The following ASB18 variants were observed in gnomAD, a reference collection of about 807,000 sequenced individuals.
The protein encoded by ASB18 is ankyrin repeat and SOCS box protein 18.
Under a neutral mutation model 33.4 loss-of-function variants are expected in ASB18, and 33 were observed. That is an observed-to-expected ratio of 0.99 (90% confidence interval 0.75 to 1.32). The LOEUF is 1.32. Ranked by LOEUF, ASB18 falls within the 40% of genes most tolerant of loss-of-function variation. The probability of loss-of-function intolerance (pLI) is 0.00; values close to 1 mark genes in which losing one functional copy is unlikely to be tolerated. For synonymous variants in ASB18, 295 were observed against 307.6 expected (o/e 0.96, Z 0.43); for missense variants, 694 against 655.5 (o/e 1.06, Z -0.64).
chr2:236,237,376 G>A lies in ASB18; in HGVS notation c.596+313C>T, dbSNP rs1419826647. On this transcript the variant is annotated intron_variant, in intron 3 of 5. Coordinates refer to ENST00000409749, the MANE Select transcript of ASB18 (RefSeq NM_212556.4). The surrounding 1 kb of genome is among the most constrained non-coding windows in gnomAD (Gnocchi z 6.2). ...GGGCGCGGGGCGGGGGCCGGGGCCG[G>A]GGCGCGGGGCGGGGGCCGGGGCCGG... Among the ~76,000 whole-genome samples the A allele has an allele frequency of 2.4e-4, 15 of 63,204 alleles. 1 individual carries two copies. The East Asian group carries it at 4.7e-3, about 20-fold the overall frequency. The allele number at this position is 63,204 out of a possible 152,430, so 41.5% of individuals were successfully genotyped here.
chr2:236,207,524 C>A (rs865878367), intron 4 of ASB18, among the ~76,000 whole-genome samples: 1 of 152,076 alleles, frequency 6.6e-6, no homozygotes, highest in Admixed American at 6.5e-5. Context: ...TCCTTTTTCT[C>A]TTTATTAGTC....
chr2:236,196,328 G>T lies in ASB18; in HGVS notation c.1159C>A (p.Pro387Thr). 3 of 1,567,258 alleles carry T rather than the reference G, an allele frequency of 1.9e-6. No homozygotes were observed. The highest frequency in any genetic ancestry group is 2.4e-5 in the East Asian group (1 of 42,196). ...CAGGACTCTGACAAGCAGAGCTGAG[G>T]GTAGGAGTTGAAAAGCACCTCGATG... Reference protein sequence around the residue: ...AVIEVLFNSYPQLCLSESWKE... With the variant: ...AVIEVLFNSYTQLCLSESWKE... The change falls in exon 5 of 6, where the codon CCT becomes ACT. Residue 387 changes from proline (P) to threonine (T), a missense_variant. Coordinates refer to ENST00000409749, the MANE Select transcript of ASB18 (RefSeq NM_212556.4). This position sits in a 1 kb window ranked among gnomAD's most constrained non-coding sequence, Gnocchi z 5.6.
rs545676952 is a variant in ASB18, at chr2:236,257,549, C to A, written c.205+6592G>T. ...GCACGTGTGCATGACTGTGTGTGTG[C>A]GTGTGTACATATGCATATGTATGCT... On this transcript the variant is annotated intron_variant, in intron 1 of 5. Transcript: ENST00000409749. This position sits in a 1 kb window ranked among gnomAD's most constrained non-coding sequence, Gnocchi z 5.5. 8.5e-5 allele frequency among the ~76,000 whole-genome samples: 13 copies of A among 152,190 alleles called. No individual in the cohort carries two copies. The highest frequency in any genetic ancestry group is 2.0e-4 in the Admixed American group (3 of 15,286).
chr2:236,209,630 T>C lies in ASB18; in HGVS notation c.1101+4732A>G, dbSNP rs956974033. ...AGCTATGTGAATCCCTTACCTGGACTGCCACCACAGCCTGTGGTTTCCATC... is the reference window on the plus strand; with the variant it reads ...AGCTATGTGAATCCCTTACCTGGACCGCCACCACAGCCTGTGGTTTCCATC... On this transcript the variant is annotated intron_variant, in intron 4 of 5. Coordinates refer to ENST00000409749, the MANE Select transcript of ASB18 (RefSeq NM_212556.4). The surrounding 1 kb of genome is among the most constrained non-coding windows in gnomAD (Gnocchi z 4.4). Among the ~76,000 whole-genome samples, 1 of 152,232 alleles carries C rather than the reference T, an allele frequency of 6.6e-6. No homozygotes were observed. Among genetic ancestry groups the C allele is most frequent in the Admixed American group, 6.5e-5 (1 of 15,280 alleles).
Position 236,193,664 on chromosome 2 carries a change from C to A in ASB18, c.*1208G>T, listed in dbSNP as rs145862874. On this transcript the variant is annotated 3_prime_UTR_variant, in exon 6 of 6. Coordinates refer to ENST00000409749, the MANE Select transcript of ASB18 (RefSeq NM_212556.4). The surrounding 1 kb of genome is among the most constrained non-coding windows in gnomAD (Gnocchi z 5.0). ...ATAAAAAATTAGCCGGGCGTGCTGG[C>A]ACATGCCTGTTATCCCAGCTACCAG... is the stretch of plus-strand genomic sequence containing the variant. Among the ~76,000 whole-genome samples, 443 of 152,262 alleles carry A rather than the reference C, an allele frequency of 2.9e-3. 2 individuals are homozygous for A. The highest frequency in any genetic ancestry group is 4.7e-3 in the Non-Finnish European group (322 of 68,022).
Position 236,217,412 on chromosome 2 carries a change from C to CAAA in ASB18, c.597-2549_597-2547dup, listed in dbSNP as rs1184456986. On this transcript the variant is annotated intron_variant, in intron 3 of 5. Transcript: ENST00000409749. The surrounding 1 kb of genome is among the most constrained non-coding windows in gnomAD (Gnocchi z 5.2). ...GGGGCAACAGAGCGAGACTCTGTCT[C>CAAA]AAAAAAAAAAAAAAATAAATCTTGG... 1.2e-5 allele frequency among the ~76,000 whole-genome samples: 1 copy of CAAA among 85,390 alleles called. No individual in the cohort carries two copies. Among genetic ancestry groups the CAAA allele is most frequent in the African/African-American group, 7.3e-5 (1 of 13,706 alleles). The allele number at this position is 85,390 out of a possible 152,430, so 56.0% of individuals were successfully genotyped here.
chr2:236,257,628 C>G lies in ASB18; in HGVS notation c.205+6513G>C. 6.6e-6 allele frequency among the ~76,000 whole-genome samples: 1 copy of G among 152,236 alleles called. No individual in the cohort carries two copies. Among genetic ancestry groups the G allele is most frequent in the Non-Finnish European group, 1.5e-5 (1 of 68,026 alleles). On this transcript the variant is annotated intron_variant, in intron 1 of 5. Transcript: ENST00000409749. The surrounding 1 kb of genome is among the most constrained non-coding windows in gnomAD (Gnocchi z 5.5). Reference sequence around the variant, plus strand: ...CTTCACTGGGAAGTTTTTTCAGGGACGTTCCTGCAAAATGTCTCTGGGTGG... The same window carrying G: ...CTTCACTGGGAAGTTTTTTCAGGGAGGTTCCTGCAAAATGTCTCTGGGTGG...
chr2:236,241,552 A>G lies in ASB18; in HGVS notation c.206-150T>C, dbSNP rs1254165026. On this transcript the variant is annotated intron_variant, in intron 1 of 5. Coordinates refer to ENST00000409749, the MANE Select transcript of ASB18 (RefSeq NM_212556.4). This position sits in a 1 kb window ranked among gnomAD's most constrained non-coding sequence, Gnocchi z 4.2. ...GCCGTCGATTTCAGAAGAGTTCTTC[A>G]GGAACGGGAAAGATGGTCTTATGGA... 1.1e-5 allele frequency: 10 copies of G among 870,620 alleles called. No individual in the cohort carries two copies. Among genetic ancestry groups the G allele is most frequent in the South Asian group, 8.5e-5 (6 of 70,698 alleles). The allele number at this position is 870,620 out of a possible 1,614,324, so 53.9% of individuals were successfully genotyped here.
chr2:236,214,627 AGCAGCGCGCACAGGCGCAG>A lies in ASB18; in HGVS notation c.817_835del (p.Leu273CysfsTer91). The stretch of plus-strand genomic sequence containing the variant: ...GTCCGCCTCCGCCCCGCGCCGCAGC[AGCAGCGCGCACAGGCGCAG>A]GCAGCGCCCGTGCTCGTCGGGCCTC... On this transcript the variant is annotated frameshift_variant, in exon 4 of 6. Transcript: ENST00000409749. LOFTEE classifies it high-confidence loss of function. This position sits in a 1 kb window ranked among gnomAD's most constrained non-coding sequence, Gnocchi z 6.5. 1 of 1,191,298 alleles carries A rather than the reference AGCAGCGCGCACAGGCGCAG, an allele frequency of 8.4e-7. No homozygotes were observed. Among genetic ancestry groups the A allele is most frequent in the Non-Finnish European group, 1.0e-6 (1 of 963,878 alleles). The allele number at this position is 1,191,298 out of a possible 1,614,324, so 73.8% of individuals were successfully genotyped here.
Position 236,194,704 on chromosome 2 carries a change from C to A in ASB18, c.*168G>T, listed in dbSNP as rs1334467762. On this transcript the variant is annotated 3_prime_UTR_variant, in exon 6 of 6. Coordinates refer to ENST00000409749, the MANE Select transcript of ASB18 (RefSeq NM_212556.4). This position sits in a 1 kb window ranked among gnomAD's most constrained non-coding sequence, Gnocchi z 4.5. ...AGGGCTTTTGTTGCCAATTCCATTT[C>A]GAGGTGAACCTGAAGCTTGGCAAGG... 6.6e-6 allele frequency among the ~76,000 whole-genome samples: 1 copy of A among 152,178 alleles called. No homozygotes were observed. The highest frequency in any genetic ancestry group is 1.5e-5 in the Non-Finnish European group (1 of 68,032).
intron 3 of ASB18, among the ~76,000 whole-genome samples, chr2:236,227,553 T>C (rs1199808732): frequency 2.0e-5 from 3 of 152,218 alleles, no homozygotes; most frequent in Non-Finnish European, 4.4e-5. Flanking sequence ...TGTCCAATGT[T>C]GCACAGCTAG....
Position 236,238,053 on chromosome 2 carries a change from T to C in ASB18, c.329-97A>G. ...GGCGGAAAGAAAGTGAAGCCGTCTC[T>C]TAAAGGTAGGTACCAGGTAGGCATG... On this transcript the variant is annotated intron_variant, in intron 2 of 5. Transcript: ENST00000409749. The surrounding 1 kb of genome is among the most constrained non-coding windows in gnomAD (Gnocchi z 5.2). The C allele has an allele frequency of 9.2e-7, 1 of 1,082,418 alleles. No individual in the cohort carries two copies. The highest frequency in any genetic ancestry group is 1.2e-6 in the Non-Finnish European group (1 of 813,246). 67.1% of individuals were successfully genotyped at this position (1,082,418 alleles called of 1,614,324 possible). A position where few individuals can be genotyped will look rare whatever the true frequency, so the allele number is the denominator to read the frequency against.
rs537657625 is a variant in ASB18 at position 236,259,845 on chromosome 2, A to G, written c.205+4296T>C. ...AGGGTATGTTCTGTGCTTTCCCCCA[A>G]TGTCTGCTGGGGCTAAAATTTTCAG... is the stretch of plus-strand genomic sequence containing the variant. On this transcript the variant is annotated intron_variant, in intron 1 of 5. Transcript: ENST00000409749. The surrounding 1 kb of genome is among the most constrained non-coding windows in gnomAD (Gnocchi z 4.4). 9.9e-5 allele frequency among the ~76,000 whole-genome samples: 15 copies of G among 152,232 alleles called. No individual in the cohort carries two copies. Among genetic ancestry groups the G allele is most frequent in the East Asian group, 1.9e-4 (1 of 5,178 alleles).
chr2:236,259,295 C>G lies in ASB18; in HGVS notation c.205+4846G>C, dbSNP rs1172387882. 6.6e-6 allele frequency among the ~76,000 whole-genome samples: 1 copy of G among 152,218 alleles called. No individual in the cohort carries two copies. Among genetic ancestry groups the G allele is most frequent in the Non-Finnish European group, 1.5e-5 (1 of 68,042 alleles). The stretch of plus-strand genomic sequence containing the variant: ...AGGTGAGCAAAGGAGCTTAGCTCTT[C>G]CATGCCAATCACTGCACCCAGAGTC... On this transcript the variant is annotated intron_variant, in intron 1 of 5. Coordinates refer to ENST00000409749, the MANE Select transcript of ASB18 (RefSeq NM_212556.4). This position sits in a 1 kb window ranked among gnomAD's most constrained non-coding sequence, Gnocchi z 4.4.
In ASB18 at chr2:236,215,611, C is replaced by T. The variant is rs2060484071; in HGVS notation, c.597-745G>A. ...CCTCCAGGAGCATGACTGTCCTCTA[C>T]CCCAGGCACCAGGCTTCCTCAGAGC... On this transcript the variant is annotated intron_variant, in intron 3 of 5. Transcript: ENST00000409749. The surrounding 1 kb of genome is among the most constrained non-coding windows in gnomAD (Gnocchi z 7.2). 6.6e-6 allele frequency among the ~76,000 whole-genome samples: 1 copy of T among 152,150 alleles called. No homozygotes were observed. The highest frequency in any genetic ancestry group is 2.4e-5 in the African/African-American group (1 of 41,434).
Position 236,195,944 on chromosome 2 carries a change from T to C in ASB18, c.1215+328A>G. ...GCTGACTCACAGGGCCGGATTAGTA[T>C]GTCCTGACGTGGAGCTAGGCCCGTG... is the stretch of plus-strand genomic sequence containing the variant. On this transcript the variant is annotated intron_variant, in intron 5 of 5. Coordinates refer to ENST00000409749, the MANE Select transcript of ASB18 (RefSeq NM_212556.4). The surrounding 1 kb of genome is among the most constrained non-coding windows in gnomAD (Gnocchi z 5.5). 2 of 373,532 alleles carry C rather than the reference T, an allele frequency of 5.4e-6. No homozygotes were observed. Among genetic ancestry groups the C allele is most frequent in the South Asian group, 4.7e-5 (2 of 42,698 alleles). 23.1% of individuals were successfully genotyped at this position (373,532 alleles called of 1,614,324 possible).
At position 236,244,448 on chromosome 2, in the gene ASB18, G is replaced by A. The variant is rs879469345; in HGVS notation, c.206-3046C>T. Reference sequence around the variant, plus strand: ...CATCCCCACATGGTGTTGCAACCAGGAAGCAACAGCAGAGAATCAACAGGA... The same window carrying A: ...CATCCCCACATGGTGTTGCAACCAGAAAGCAACAGCAGAGAATCAACAGGA... On this transcript the variant is annotated intron_variant, in intron 1 of 5. Transcript: ENST00000409749. The surrounding 1 kb of genome is among the most constrained non-coding windows in gnomAD (Gnocchi z 6.1). 6.6e-6 allele frequency among the ~76,000 whole-genome samples: 1 copy of A among 152,218 alleles called. No individual in the cohort carries two copies. Among genetic ancestry groups the A allele is most frequent in the Non-Finnish European group, 1.5e-5 (1 of 68,040 alleles).
rs2060689685 is a variant in ASB18 at position 236,255,884 on chromosome 2, C to T, written c.205+8257G>A. 1.3e-5 allele frequency among the ~76,000 whole-genome samples: 2 copies of T among 152,216 alleles called. No individual in the cohort carries two copies. Among genetic ancestry groups the T allele is most frequent in the South Asian group, 4.1e-4 (2 of 4,832 alleles). On this transcript the variant is annotated intron_variant, in intron 1 of 5. Transcript: ENST00000409749. This position sits in a 1 kb window ranked among gnomAD's most constrained non-coding sequence, Gnocchi z 4.4. Reference sequence around the variant, plus strand: ...GGTGCACTACGTTTCCTGCTCGCCTCCCTTTATCTGGGCTTCCTTCCTTTG... The same window carrying T: ...GGTGCACTACGTTTCCTGCTCGCCTTCCTTTATCTGGGCTTCCTTCCTTTG...
rs1025274883 is a variant in ASB18 at position 236,211,301 on chromosome 2, G to A, written c.1101+3061C>T. ...GTCCCTGCCCCCAGTGTTAACTAGCGGTCAGCCAGGCAGAAAGGCCTGGCA... is the reference window on the plus strand; with the variant it reads ...GTCCCTGCCCCCAGTGTTAACTAGCAGTCAGCCAGGCAGAAAGGCCTGGCA... On this transcript the variant is annotated intron_variant, in intron 4 of 5. Coordinates refer to ENST00000409749, the MANE Select transcript of ASB18 (RefSeq NM_212556.4). This position sits in a 1 kb window ranked among gnomAD's most constrained non-coding sequence, Gnocchi z 5.0. Among the ~76,000 whole-genome samples, 1 of 152,146 alleles carries A rather than the reference G, an allele frequency of 6.6e-6. No individual in the cohort carries two copies. The highest frequency in any genetic ancestry group is 2.4e-5 in the African/African-American group (1 of 41,434).
Sources: allele counts gnomAD v4.1 joint callset (sites outside exome capture counted in the v4.1 genomes callset), GRCh38; gene constraint gnomAD v4.1.1; non-coding constraint Gnocchi (gnomAD v3.1); transcripts MANE v1.5; gene names NCBI Gene and HGNC (gene_info 2026-07-23, HGNC 2026-07-21).